The following HERC1 variants were observed in gnomAD, a reference collection of about 807,000 sequenced individuals.
HERC1 encodes the protein HECT and RLD domain containing E3 ubiquitin protein ligase family member 1, also known as probable E3 ubiquitin-protein ligase HERC1.
Under a neutral mutation model 554.3 loss-of-function variants are expected in HERC1, and 160 were observed. That is an observed-to-expected ratio of 0.29 (90% CI 0.25 to 0.33). HERC1 has a LOEUF of 0.33. Ranked by LOEUF, HERC1 falls within the 10% of genes least tolerant of loss-of-function variation. The pLI, the probability that HERC1 is intolerant of heterozygous loss-of-function variation, is 1.00. For synonymous variants in HERC1, 2,175 were observed against 2,131.7 expected, an observed-to-expected ratio of 1.02 and a Z score of -0.56; for missense variants, 4,919 against 5,918.5, an observed-to-expected ratio of 0.83 and a Z score of 5.54.
At position 63,694,912 on chromosome 15, in the gene HERC1, A is replaced by G. The variant is rs1421113489; in HGVS notation, c.5122-18T>C. The G allele has an allele frequency of 3.1e-6, 5 of 1,599,872 alleles. No homozygotes were observed. In the African/African-American group the frequency reaches 6.7e-5, roughly 21 times the overall value. The stretch of plus-strand genomic sequence containing the variant: ...ATCCCATCCTGAATTACACATAAAG[A>G]ATTACTTTTTCTATTAGCAACAATA... On this transcript the variant is annotated intron_variant, in intron 27 of 77. Coordinates refer to ENST00000443617, the MANE Select transcript of HERC1 (RefSeq NM_003922.4). The surrounding 1 kb of genome is among the most constrained non-coding windows in gnomAD (Gnocchi z 4.3).
Position 63,733,179 on chromosome 15 carries a change from C to T in HERC1, c.2647-34G>A, listed in dbSNP as rs185960730. The T allele has an allele frequency of 4.7e-4, 637 of 1,363,626 alleles. 4 individuals are homozygous for T. In the East Asian group the frequency reaches 8.6e-3, roughly 18 times the overall value. 84.5% of individuals were successfully genotyped at this position (1,363,626 alleles called of 1,614,324 possible). ...CAATAAAATAGGAACAAGTAACTAG[C>T]GTAATATGCACTAGAAAAGAACACA... On this transcript the variant is annotated intron_variant, in intron 13 of 77. Transcript: ENST00000443617.
chr15:63,633,584 T>C (rs1391193863), intron 67 of HERC1, among the ~76,000 whole-genome samples: 1 of 152,216 alleles, frequency 6.6e-6, no homozygotes, highest in Non-Finnish European at 1.5e-5. Context: ...CTTCCCTACA[T>C]CAGAGGTCCT....
At chr15:63,742,142 C>T (rs1259816130) in intron 12 of HERC1, among the ~76,000 whole-genome samples, 8 of 152,134 alleles carry the variant, frequency 5.3e-5, no homozygotes, top group East Asian at 1.9e-4. Context: ...CCATTTATTT[C>T]GGTCTTCTTT....
At position 63,628,161 on chromosome 15, in the gene HERC1, C is replaced by T. The variant is rs146564750; in HGVS notation, c.13105+516G>A. 1.2e-4 allele frequency among the ~76,000 whole-genome samples: 18 copies of T among 152,202 alleles called. No homozygotes were observed. In the East Asian group the frequency reaches 3.1e-3, roughly 26 times the overall value. Reference sequence around the variant, plus strand: ...ATCCTAACACTTTGGGAGGCTGAGGCGGGCGGATCACTGGAGGTCAGGAAT... The same window carrying T: ...ATCCTAACACTTTGGGAGGCTGAGGTGGGCGGATCACTGGAGGTCAGGAAT... On this transcript the variant is annotated intron_variant, in intron 70 of 77. Transcript: ENST00000443617.
At chr15:63,686,053 G>A (rs1041804773) in intron 34 of HERC1, among the ~76,000 whole-genome samples, 11 of 152,076 alleles carry the variant, frequency 7.2e-5, no homozygotes, top group African/African-American at 2.4e-4. Context: ...AACATCACAC[G>A]CTTTGCTTCA....
intron 75 of HERC1, 46 bp from the exon 76 acceptor site, chr15:63,615,966 C>T (rs1405821326): frequency 2.7e-6 from 4 of 1,465,652 alleles, no homozygotes; most frequent in Admixed American, 2.5e-5. Context: ...GTAGAAATGA[C>T]AGCAAAAAGT....
intron 1 of HERC1, among the ~76,000 whole-genome samples, chr15:63,833,051 G>A (rs1330625172): frequency 6.6e-6 from 1 of 152,170 alleles, no homozygotes; most frequent in Non-Finnish European, 1.5e-5. Flanking sequence ...CCTCCTGGGA[G>A]AGGTGGTACA....
chr15:63,622,858 G>C lies in HERC1; in HGVS notation c.13645C>G (p.Pro4549Ala), dbSNP rs1316237763. The change falls in exon 74 of 78, where the codon CCC becomes GCC. Residue 4549 changes from proline (P) to alanine (A), a missense_variant. By Grantham distance (27) the Pro-to-Ala change is conservative (BLOSUM62 -1). This residue lies in a region of HERC1 where 284 missense variants were observed against 294.1 expected (regional missense o/e 0.97). Transcript: ENST00000443617. Reference sequence around the variant, plus strand: ...ACTTCTGCGGTGGCATTGGGAGAGGGTATAAGAAGGTCAACAATACCAGTT... The same window carrying C: ...ACTTCTGCGGTGGCATTGGGAGAGGCTATAAGAAGGTCAACAATACCAGTT... Reference protein sequence around the residue: ...LETGIVDLLIPSPNATAEVGY... With the variant: ...LETGIVDLLIASPNATAEVGY... 6.8e-6 allele frequency: 11 copies of C among 1,605,964 alleles called. No homozygotes were observed. The highest frequency in any genetic ancestry group is 8.5e-6 in the Non-Finnish European group (10 of 1,176,900).
At position 63,698,882 on chromosome 15, in the gene HERC1, T is replaced by C; in HGVS notation, c.4751A>G (p.Lys1584Arg). The change falls in exon 26 of 78, where the codon AAG becomes AGG. Residue 1584 changes from lysine to arginine, a missense_variant. Physicochemically the swap from Lys to Arg is conservative, Grantham distance 26. Coordinates refer to ENST00000443617, the MANE Select transcript of HERC1 (RefSeq NM_003922.4). ...AATCAAAGTGTGAACTCCCAAAGAC[T>C]TGGTAAGATCAAAATCTGACTCAAA... ...YSFESDFDLT[K>R]SLGVHTLIEN... 1.2e-6 allele frequency: 2 copies of C among 1,613,976 alleles called. No individual in the cohort carries two copies. The highest frequency in any genetic ancestry group is 1.7e-6 in the Non-Finnish European group (2 of 1,179,878).
chr15:63,649,590 A>T, intron 54 of HERC1, 135 bp downstream of exon 54: 1 of 674,842 alleles, frequency 1.5e-6, no homozygotes, highest in Non-Finnish European at 2.5e-6. Context: ...AATTAAAATT[A>T]AAACATGACT....
At chr15:63,799,975 AT>A (rs1256251737) in intron 1 of HERC1, among the ~76,000 whole-genome samples, 1 of 152,088 alleles carries the variant, frequency 6.6e-6, no homozygotes, top group Non-Finnish European at 1.5e-5. Flanking sequence ...ACAGAAAAAA[AT>A]ATTTTTAGTT....
chr15:63,654,902 T>C (rs933277115), intron 50 of HERC1, among the ~76,000 whole-genome samples: 2 of 151,934 alleles, frequency 1.3e-5, no homozygotes, highest in African/African-American at 4.8e-5. Flanking sequence ...CAACAATCAA[T>C]AGTCTTTGCT....
intron 7 of HERC1, among the ~76,000 whole-genome samples, chr15:63,753,679 A>C (rs902236267): frequency 1.3e-5 from 2 of 152,198 alleles, no homozygotes; most frequent in East Asian, 1.9e-4. Context: ...TGGGGAAGTA[A>C]GCATTCACAC....
intron 1 of HERC1, among the ~76,000 whole-genome samples, chr15:63,803,125 A>C (rs982562707): frequency 2.0e-5 from 3 of 152,240 alleles, no homozygotes; most frequent in African/African-American, 7.2e-5. Context: ...GGATCGCTTA[A>C]GCCTACGAGG....
chr15:63,728,647 A>G (rs977157340), intron 16 of HERC1, among the ~76,000 whole-genome samples: 3 of 152,206 alleles, frequency 2.0e-5, no homozygotes, highest in Non-Finnish European at 2.9e-5. Flanking sequence ...AGGTGTTCTC[A>G]GCTAGATGGA....
intron 1 of HERC1, among the ~76,000 whole-genome samples, chr15:63,802,433 T>G (rs1370685539): frequency 3.3e-5 from 5 of 152,152 alleles, no homozygotes; most frequent in Non-Finnish European, 5.9e-5. Flanking sequence ...ATTCGGTGAG[T>G]AAAGAACTAC....
At chr15:63,705,624 AT>A (rs2072962228) in intron 25 of HERC1, among the ~76,000 whole-genome samples, 1 of 152,184 alleles carries the variant, frequency 6.6e-6, no homozygotes. Flanking sequence ...AATACAAAAG[AT>A]TTAATATCAT....
chr15:63,725,247 G>A, intron 18 of HERC1, 45 bp downstream of exon 18: 1 of 1,521,218 alleles, frequency 6.6e-7, no homozygotes, highest in South Asian at 1.2e-5. Flanking sequence ...TCCAACTGAG[G>A]TACAAACAGG....
intron 1 of HERC1, among the ~76,000 whole-genome samples, chr15:63,823,663 AAAAGT>A (rs1448589502): frequency 6.6e-6 from 1 of 152,252 alleles, no homozygotes; most frequent in Non-Finnish European, 1.5e-5. Flanking sequence ...TACATTGGAG[AAAAGT>A]TAATTATTTA....
Sources: allele counts gnomAD v4.1 joint callset (sites outside exome capture counted in the v4.1 genomes callset), GRCh38; gene constraint gnomAD v4.1.1; regional missense constraint gnomAD v4.1.1; non-coding constraint Gnocchi (gnomAD v3.1); transcripts MANE v1.5; gene names NCBI Gene and HGNC (gene_info 2026-07-23, HGNC 2026-07-21).